The following FNBP4 variants were observed in gnomAD, a reference collection of about 807,000 sequenced individuals.
The protein encoded by FNBP4 is formin-binding protein 4.
A neutral mutation model predicts 119.3 loss-of-function variants in FNBP4; 34 were observed. That is an observed-to-expected ratio of 0.28 (90% CI 0.22 to 0.38). The LOEUF (loss-of-function observed/expected upper bound fraction) is 0.38. Among genes scored for constraint, FNBP4 ranks in the 10% least tolerant of loss-of-function variants. FNBP4 has a pLI of 1.00. For synonymous variants in FNBP4, 462 were observed against 430.6 expected (o/e 1.07, Z -0.90); for missense variants, 1,112 against 1,228.9 (o/e 0.90, Z 1.42).
At chr11:47,736,560 A>G in intron 9 of FNBP4, 56 bp downstream of exon 9, 1 of 1,421,358 alleles carries the variant, frequency 7.0e-7, no homozygotes, top group Non-Finnish European at 9.6e-7. Flanking sequence ...ACTCCGTCTC[A>G]AAATAATGAT....
At chr11:47,740,033 C>T (rs560230382) in intron 8 of FNBP4, among the ~76,000 whole-genome samples, 6 of 152,058 alleles carry the variant, frequency 3.9e-5, no homozygotes, top group South Asian at 2.1e-4. Context: ...CTCTCAATCT[C>T]GGGTGATCCG....
intron 13 of FNBP4, 76 bp from the exon 14 acceptor site, chr11:47,724,248 G>T: frequency 6.4e-7 from 1 of 1,567,328 alleles, no homozygotes; most frequent in South Asian, 1.2e-5. Context: ...CTTTTTTTGA[G>T]ACAGGCTCTC....
intron 8 of FNBP4, among the ~76,000 whole-genome samples, chr11:47,742,043 G>A (rs1190890241): frequency 6.6e-6 from 1 of 152,114 alleles, no homozygotes; most frequent in Non-Finnish European, 1.5e-5. Flanking sequence ...GTTGTTAAGT[G>A]AAAACTGTAT....
At chr11:47,736,287 T>C (rs1049760597) in intron 9 of FNBP4, among the ~76,000 whole-genome samples, 6 of 148,604 alleles carry the variant, frequency 4.0e-5, no homozygotes, top group Admixed American at 2.7e-4. Context: ...CCGGGCGCAG[T>C]GGCTGACGCC....
intron 6 of FNBP4, among the ~76,000 whole-genome samples, chr11:47,747,966 G>T (rs2097594088): frequency 6.6e-6 from 1 of 151,194 alleles, no homozygotes; most frequent in African/African-American, 2.4e-5. Context: ...AAAATAGCTG[G>T]GCGTGGTGGC....
At chr11:47,730,484 TCTA>T (rs747443260) in intron 12 of FNBP4, among the ~76,000 whole-genome samples, 6 of 152,236 alleles carry the variant, frequency 3.9e-5, no homozygotes, top group Non-Finnish European at 8.8e-5. Flanking sequence ...CTAGTGCTTT[TCTA>T]CTATCATCAG....
At position 47,734,114 on chromosome 11, in the gene FNBP4, G is replaced by C. The variant is rs760326232; in HGVS notation, c.1597C>G (p.Leu533Val). The change falls in exon 10 of 17, where the codon CTG becomes GTG. Residue 533 changes from leucine to valine, a missense_variant. By Grantham distance (32) the Leu-to-Val change is conservative (BLOSUM62 1). Around this residue, in one of 2 missense-constraint regions of FNBP4, gnomAD observed 826 missense variants for 988.8 expected, o/e 0.84. Coordinates refer to ENST00000263773, the MANE Select transcript of FNBP4 (RefSeq NM_015308.5). ...EQDLKFQIGE[L>V]ANTLTSKFEF... ...AATTTACTTGTCAGGGTATTTGCCA[G>C]TTCTCCAATCTGAAACTACAATGCA... is the stretch of plus-strand genomic sequence containing the variant. 3.2e-6 allele frequency: 5 copies of C among 1,578,652 alleles called. No homozygotes were observed. The highest frequency in any genetic ancestry group is 2.8e-5 in the African/African-American group (2 of 72,586).
Position 47,716,579 on chromosome 11 carries a change from G to A in FNBP4, c.*843C>T, listed in dbSNP as rs1404460448. On this transcript the variant is annotated 3_prime_UTR_variant, in exon 17 of 17. Transcript: ENST00000263773. ...CAAATTTACAAGGTCAGAAACTGGA[G>A]AAATACAAAGAGCTTTAAAACACAA... 1 of 152,618 alleles carries A rather than the reference G, an allele frequency of 6.6e-6. No individual in the cohort carries two copies. Among genetic ancestry groups the A allele is most frequent in the Non-Finnish European group, 1.5e-5 (1 of 68,042 alleles). 9.5% of individuals were successfully genotyped at this position (152,618 alleles called of 1,614,324 possible).
Position 47,752,363 on chromosome 11 carries a change from T to C in FNBP4, c.637+553A>G, listed in dbSNP as rs531860697. 9.3e-5 allele frequency among the ~76,000 whole-genome samples: 14 copies of C among 150,488 alleles called. No individual in the cohort carries two copies. In the South Asian group the frequency reaches 2.9e-3, roughly 32 times the overall value. ...TTGGTTGAACCTGGGAGGCGGAGGTTGCAGTGAGCCGAGATCGCATCACTG... is the reference window on the plus strand; with the variant it reads ...TTGGTTGAACCTGGGAGGCGGAGGTCGCAGTGAGCCGAGATCGCATCACTG... On this transcript the variant is annotated intron_variant, in intron 4 of 16. Coordinates refer to ENST00000263773, the MANE Select transcript of FNBP4 (RefSeq NM_015308.5).
rs907265112 is a variant in FNBP4 at position 47,729,628 on chromosome 11, A to G, written c.2008+1746T>C. On this transcript the variant is annotated intron_variant, in intron 12 of 16. Coordinates refer to ENST00000263773, the MANE Select transcript of FNBP4 (RefSeq NM_015308.5). ...GGGCTCAACCAATCTTCCCACCTCA[A>G]CCTCCCAAACAGCTCGGACTACAGG... 30 of 947,162 alleles carry G rather than the reference A, an allele frequency of 3.2e-5. No homozygotes were observed. The African/African-American group carries it at 5.1e-4, about 16-fold the overall frequency. The allele number at this position is 947,162 out of a possible 1,614,324, so 58.7% of individuals were successfully genotyped here.
intron 7 of FNBP4, 33 bp from the exon 8 acceptor site, chr11:47,744,196 T>C: frequency 2.0e-6 from 3 of 1,483,134 alleles, no homozygotes; most frequent in Non-Finnish European, 2.8e-6. Flanking sequence ...GTTAGTGTCA[T>C]TAACTGCTTA....
chr11:47,731,599 G>T (rs371506810), intron 11 of FNBP4, 38 bp from the exon 12 acceptor site: 17 of 1,573,402 alleles, frequency 1.1e-5, no homozygotes, highest in East Asian at 2.3e-5. Context: ...TTTAAAACCC[G>T]TTCTCCTACA....
At chr11:47,736,844 C>T (rs2097574855) in intron 8 of FNBP4, 104 bp from the exon 9 acceptor site, 1 of 1,055,804 alleles carries the variant, frequency 9.5e-7, no homozygotes, top group Non-Finnish European at 1.4e-6. Flanking sequence ...TTAGTTCTTT[C>T]TCTCTTGCCT....
At chr11:47,733,447 T>G (rs2097569932) in intron 10 of FNBP4, among the ~76,000 whole-genome samples, 8 of 152,060 alleles carry the variant, frequency 5.3e-5, no homozygotes, top group Admixed American at 5.2e-4. Flanking sequence ...GCGATTCTCC[T>G]GCCTCAGCTT....
intron 15 of FNBP4, among the ~76,000 whole-genome samples, chr11:47,720,560 C>T (rs976041935): frequency 6.1e-5 from 9 of 146,584 alleles, no homozygotes; most frequent in East Asian, 2.0e-4. Flanking sequence ...AGGGAGACTC[C>T]GTCTCAAAAA....
chr11:47,717,812 G>C (rs1421471085), intron 16 of FNBP4, among the ~76,000 whole-genome samples: 1 of 151,870 alleles, frequency 6.6e-6, no homozygotes, highest in East Asian at 1.9e-4. Context: ...GCAATGGTGC[G>C]ATCTCGGCTC....
chr11:47,742,209 G>A, intron 8 of FNBP4, among the ~76,000 whole-genome samples: 1 of 152,128 alleles, frequency 6.6e-6, no homozygotes, highest in East Asian at 1.9e-4. Flanking sequence ...GCACAGCTGG[G>A]ATTACATGCC....
At chr11:47,757,928 G>A (rs1324553458) in intron 2 of FNBP4, among the ~76,000 whole-genome samples, 1 of 152,190 alleles carries the variant, frequency 6.6e-6, no homozygotes, top group Non-Finnish European at 1.5e-5. Flanking sequence ...TCTTGCCTCA[G>A]CATCCTGAGT....
intron 15 of FNBP4, among the ~76,000 whole-genome samples, chr11:47,721,046 G>A (rs1428066128): frequency 6.6e-6 from 1 of 151,970 alleles, no homozygotes; most frequent in South Asian, 2.1e-4. Context: ...AAAAATATCG[G>A]CTGGGCACGA....
Sources: gnomAD v4.1 joint callset for allele counts (sites outside exome capture counted in the v4.1 genomes callset) on GRCh38, gnomAD v4.1.1 for gene constraint, gnomAD v4.1.1 regional missense constraint, MANE v1.5 for transcripts, NCBI Gene and HGNC (gene_info 2026-07-23, HGNC 2026-07-21) for gene names.